MANBA: variants seen among roughly 807,000 people sequenced by gnomAD.
MANBA encodes the protein mannosidase beta.
A neutral mutation model predicts 111.1 loss-of-function variants in MANBA; 83 were observed. The ratio of observed to expected loss-of-function variants is 0.75; its 90% CI spans 0.63 to 0.90. The LOEUF (loss-of-function observed/expected upper bound fraction) is 0.90. MANBA is among the 40% of genes least tolerant of loss of function. The pLI is 0.00. For synonymous variants in MANBA, 370 were observed against 378.7 expected (o/e 0.98, Z 0.27); for missense variants, 1,036 against 1,069.0 (o/e 0.97, Z 0.43).
At chr4:102,636,719 T>C (rs1729649760) in intron 14 of MANBA, among the ~76,000 whole-genome samples, 1 of 152,176 alleles carries the variant, frequency 6.6e-6, no homozygotes, top group Non-Finnish European at 1.5e-5. Context: ...GTCTAATAAG[T>C]ACAAGGAGCT....
At chr4:102,663,229 T>G (rs1174038404) in intron 11 of MANBA, among the ~76,000 whole-genome samples, 1 of 152,156 alleles carries the variant, frequency 6.6e-6, no homozygotes, top group Non-Finnish European at 1.5e-5. Flanking sequence ...TTCCATCCAT[T>G]ATCTCACTTA....
rs540307907 is a variant in MANBA, at chr4:102,698,924, T to C, written c.674-8153A>G. On this transcript the variant is annotated intron_variant, in intron 5 of 16. Transcript: ENST00000647097. ...CATTGGTAGCTTGATGGGGATGGCA[T>C]TGAATCTATAAATTACCTTGGGCAG... Among the ~76,000 whole-genome samples, 22 of 152,348 alleles carry C rather than the reference T, an allele frequency of 1.4e-4. No homozygotes were observed. In the South Asian group the frequency reaches 3.7e-3, roughly 26 times the overall value.
intron 1 of MANBA, among the ~76,000 whole-genome samples, chr4:102,755,098 T>C (rs536919233): frequency 7.2e-4 from 109 of 152,286 alleles, no homozygotes; most frequent in African/African-American, 2.5e-3. Context: ...AATGACTTTC[T>C]TCACAGAATT....
At chr4:102,694,959 T>A (rs1295899288) in intron 5 of MANBA, among the ~76,000 whole-genome samples, 2 of 152,136 alleles carry the variant, frequency 1.3e-5, no homozygotes, top group Non-Finnish European at 2.9e-5. Flanking sequence ...TGGTAGAGAA[T>A]GTGGTTCTGG....
chr4:102,661,791 A>G (rs556912425), intron 11 of MANBA, among the ~76,000 whole-genome samples: 1 of 152,368 alleles, frequency 6.6e-6, no homozygotes, highest in South Asian at 2.1e-4. Context: ...TTTCTAAGCC[A>G]TGACCTTAAA....
chr4:102,636,507 A>G (rs11727546), intron 14 of MANBA, among the ~76,000 whole-genome samples: 82,873 of 152,062 alleles, frequency 0.54, 22,965 homozygotes, highest in Admixed American at 0.62. Flanking sequence ...GCATGACTGT[A>G]TATAATAACT....
At chr4:102,732,935 C>T (rs1262072068) in intron 1 of MANBA, among the ~76,000 whole-genome samples, 1 of 152,138 alleles carries the variant, frequency 6.6e-6, no homozygotes, top group Admixed American at 6.5e-5. Flanking sequence ...ACACTAAGCC[C>T]GGGGGCTGGC....
intron 4 of MANBA, among the ~76,000 whole-genome samples, chr4:102,717,909 T>C (rs1722406461): frequency 6.6e-6 from 1 of 152,184 alleles, no homozygotes; most frequent in Non-Finnish European, 1.5e-5. Flanking sequence ...CTGTGATCAT[T>C]TTTTTCTGAA....
At chr4:102,650,850 A>C in intron 12 of MANBA, 149 bp from the exon 13 acceptor site, 1 of 668,934 alleles carries the variant, frequency 1.5e-6, no homozygotes, top group Non-Finnish European at 2.6e-6. Context: ...ATGTTTTACC[A>C]TCCTACTTGT....
chr4:102,668,717 T>C (rs1560761285), intron 10 of MANBA: 3 of 463,598 alleles, frequency 6.5e-6, no homozygotes, highest in East Asian at 4.2e-5. Flanking sequence ...AGGTAGGCAG[T>C]TGGATATAAG....
In MANBA at chr4:102,723,883, T is replaced by C. The variant is rs370380473; in HGVS notation, c.357A>G (p.Thr119=). ...ILFNEVTIGE[T]DNMFNRYSFD... Reference sequence around the variant, plus strand: ...TTACATATCTATTGAACATATTGTCTGTTTCCCCAATAGTGACTTCATTGA... The same window carrying C: ...TTACATATCTATTGAACATATTGTCCGTTTCCCCAATAGTGACTTCATTGA... Residue 119 remains threonine (T), a synonymous_variant, in exon 3 of 17, where the codon ACA becomes ACG. Coordinates refer to ENST00000647097, the MANE Select transcript of MANBA (RefSeq NM_005908.4). 5 of 1,595,606 alleles carry C rather than the reference T, an allele frequency of 3.1e-6. No individual in the cohort carries two copies. Among genetic ancestry groups the C allele is most frequent in the Non-Finnish European group, 3.4e-6 (4 of 1,163,734 alleles).
chr4:102,741,201 A>G (rs1236003708), intron 1 of MANBA, among the ~76,000 whole-genome samples: 1 of 152,168 alleles, frequency 6.6e-6, no homozygotes, highest in East Asian at 1.9e-4. Flanking sequence ...AAAATGTTTA[A>G]CATCACTATC....
intron 13 of MANBA, among the ~76,000 whole-genome samples, chr4:102,643,504 A>C (rs771892766): frequency 5.3e-5 from 8 of 152,196 alleles, no homozygotes; most frequent in Non-Finnish European, 1.0e-4. Context: ...GAACTGTTTT[A>C]CATTCCCACC....
chr4:102,682,303 A>G (rs1198496148), intron 7 of MANBA, among the ~76,000 whole-genome samples: 2 of 152,182 alleles, frequency 1.3e-5, no homozygotes, highest in Non-Finnish European at 2.9e-5. Context: ...AGACCAACAT[A>G]TGATTGGTGG....
intron 7 of MANBA, among the ~76,000 whole-genome samples, chr4:102,676,515 T>C (rs916620413): frequency 1.3e-5 from 2 of 151,956 alleles, no homozygotes; most frequent in African/African-American, 4.8e-5. Context: ...CACTGCCACT[T>C]TGCAATGACA....
At position 102,726,572 on chromosome 4, in the gene MANBA, C is replaced by A. The variant is rs903194759; in HGVS notation, c.272+17G>T. 1 of 1,260,534 alleles carries A rather than the reference C, an allele frequency of 7.9e-7. No individual in the cohort carries two copies. Among genetic ancestry groups the A allele is most frequent in the African/African-American group, 1.5e-5 (1 of 67,478 alleles). 78.1% of individuals were successfully genotyped at this position (1,260,534 alleles called of 1,614,324 possible). The stretch of plus-strand genomic sequence containing the variant: ...AAGTTCAAATAATAATAAAAATACA[C>A]CCACAAACATACATACCTAATTTCA... On this transcript the variant is annotated intron_variant, in intron 2 of 16. Transcript: ENST00000647097.
intron 1 of MANBA, among the ~76,000 whole-genome samples, chr4:102,738,188 T>G (rs1249082690): frequency 6.6e-6 from 1 of 152,218 alleles, no homozygotes; most frequent in Non-Finnish European, 1.5e-5. Context: ...AGAAAACAAC[T>G]AATTCCACTG....
chr4:102,722,764 G>C, intron 4 of MANBA, 107 bp downstream of exon 4: 1 of 1,154,956 alleles, frequency 8.7e-7, no homozygotes, highest in South Asian at 1.2e-5. Context: ...GATCAGGAAA[G>C]AGATTCCTAA....
chr4:102,695,006 C>G (rs1732642787), intron 5 of MANBA, among the ~76,000 whole-genome samples: 1 of 152,106 alleles, frequency 6.6e-6, no homozygotes, highest in South Asian at 2.1e-4. Flanking sequence ...AGAGATGACT[C>G]AGTGAGTGTT....
Sources: allele counts gnomAD v4.1 joint callset (sites outside exome capture counted in the v4.1 genomes callset), GRCh38; gene constraint gnomAD v4.1.1; transcripts MANE v1.5; gene names NCBI Gene and HGNC (gene_info 2026-07-23, HGNC 2026-07-21).